The following RARB variants were observed in gnomAD, a reference collection of about 807,000 sequenced individuals.
RARB encodes HBV-activated protein.
RARB carries 17 observed loss-of-function variants against 51.9 expected under a neutral mutation model. That is an observed-to-expected ratio of 0.33 (90% CI 0.22 to 0.49). RARB has a LOEUF of 0.49. Among genes scored for constraint, RARB ranks in the 20% least tolerant of loss-of-function variants. The pLI is 0.99. For synonymous variants in RARB, 215 were observed against 195.4 expected (o/e 1.10, Z -0.84); for missense variants, 369 against 550.8 (o/e 0.67, Z 3.30).
At chr3:24,882,314 A>T (rs114003792) in intron 2 of RARB, among the ~76,000 whole-genome samples, 1,917 of 152,336 alleles carry the variant, frequency 0.013, 42 homozygotes, top group African/African-American at 0.044. Flanking sequence ...AAAAATTTTT[A>T]AAAAATTGTG....
In RARB at chr3:25,117,757, G is replaced by C. The variant is rs574747013; in HGVS notation, c.-327-14404G>C. Among the ~76,000 whole-genome samples the C allele has an allele frequency of 5.3e-5, 8 of 152,238 alleles. No homozygotes were observed. In the East Asian group the frequency reaches 1.5e-3, roughly 29 times the overall value. ...GAGGATGGCTTTCAGAATTTACCTG[G>C]ATCATTGGTGGAACAAGTCACCAGG... On this transcript the variant is annotated intron_variant, in intron 3 of 11. Coordinates refer to the RARB transcript ENST00000383772.
chr3:25,011,468 C>T (rs185037074), intron 2 of RARB, among the ~76,000 whole-genome samples: 2 of 152,028 alleles, frequency 1.3e-5, no homozygotes, highest in Admixed American at 6.6e-5. Context: ...ATTTTTCCAT[C>T]GAATTATAGC....
chr3:25,247,223 G>T (rs546915634), intron 5 of RARB, among the ~76,000 whole-genome samples: 1 of 152,250 alleles, frequency 6.6e-6, no homozygotes, highest in African/African-American at 2.4e-5. Context: ...CTAGCAGCAA[G>T]ATATTCAAGC....
chr3:25,451,629 C>T (rs34851973), intron 1 of RARB, among the ~76,000 whole-genome samples: 1 of 152,196 alleles, frequency 6.6e-6, no homozygotes, highest in African/African-American at 2.4e-5. Context: ...ATCAATCATA[C>T]TTGAACTTCC....
chr3:25,299,183 C>T (rs1703984096), intron 5 of RARB, among the ~76,000 whole-genome samples: 1 of 151,996 alleles, frequency 6.6e-6, no homozygotes, highest in Non-Finnish European at 1.5e-5. Context: ...TGGTGGTTGA[C>T]CTCTCCCCTC....
intron 2 of RARB, among the ~76,000 whole-genome samples, chr3:25,059,392 A>G (rs1480631324): frequency 2.0e-5 from 3 of 151,710 alleles, no homozygotes; most frequent in Non-Finnish European, 4.4e-5. Context: ...GAAAAAAACC[A>G]TACCGATATA....
intron 3 of RARB, among the ~76,000 whole-genome samples, chr3:25,509,508 G>A (rs1053964516): frequency 6.6e-6 from 1 of 152,220 alleles, no homozygotes; most frequent in Non-Finnish European, 1.5e-5. Flanking sequence ...GCTTAGAAGT[G>A]CAGCTCCAAA....
intron 5 of RARB, among the ~76,000 whole-genome samples, chr3:25,184,236 T>A (rs756248008): frequency 4.6e-5 from 7 of 152,120 alleles, no homozygotes; most frequent in African/African-American, 1.7e-4. Context: ...AATTTAGTGC[T>A]GAGATCCTTT....
At chr3:24,935,615 A>G (rs927697951) in intron 2 of RARB, among the ~76,000 whole-genome samples, 1 of 152,106 alleles carries the variant, frequency 6.6e-6, no homozygotes, top group Non-Finnish European at 1.5e-5. Flanking sequence ...TTTTATGCTG[A>G]TTTTTCACAA....
At chr3:25,178,040 A>AG (rs149622587) in intron 5 of RARB, among the ~76,000 whole-genome samples, 63 of 152,146 alleles carry the variant, frequency 4.1e-4, no homozygotes, top group African/African-American at 1.4e-3. Flanking sequence ...TGCCATTTAC[A>AG]GGGGGTGGGC....
In RARB at chr3:24,859,046, A is replaced by G. The variant is rs1237758191; in HGVS notation, c.-380+294A>G. 6.7e-5 allele frequency among the ~76,000 whole-genome samples: 7 copies of G among 104,822 alleles called. No individual in the cohort carries two copies. In the East Asian group the frequency reaches 2.8e-3, roughly 41 times the overall value. The allele number at this position is 104,822 out of a possible 152,430, so 68.8% of individuals were successfully genotyped here. ...AGCAAGACTCTGTCTCAAAAAAAAA[A>G]AAAAAAAAAAAGAAAAAAAAAAAGT... On this transcript the variant is annotated intron_variant, in intron 2 of 11. Coordinates refer to the RARB transcript ENST00000383772.
At chr3:25,014,366 G>A (rs530770922) in intron 2 of RARB, among the ~76,000 whole-genome samples, 1 of 152,088 alleles carries the variant, frequency 6.6e-6, no homozygotes, top group African/African-American at 2.4e-5. Context: ...TGAACCACAT[G>A]TAAGGAATTT....
intron 2 of RARB, chr3:25,020,104 C>CTATTAT (rs869230918): frequency 1.0e-4 from 8 of 77,450 alleles, no homozygotes; most frequent in Non-Finnish European, 9.1e-5. Context: ...CTCAAGTTCT[C>CTATTAT]TATTATTATT....
At chr3:25,062,690 T>C (rs1159333134) in intron 3 of RARB, among the ~76,000 whole-genome samples, 2 of 151,924 alleles carry the variant, frequency 1.3e-5, no homozygotes, top group Non-Finnish European at 2.9e-5. Context: ...ATTCTACATA[T>C]ACAAGAAATG....
intron 2 of RARB, among the ~76,000 whole-genome samples, chr3:25,000,622 G>T (rs907283829): frequency 1.3e-5 from 2 of 152,068 alleles, no homozygotes; most frequent in Admixed American, 6.6e-5. Flanking sequence ...AAAATCTGTT[G>T]AGTATATGCA....
At position 24,930,124 on chromosome 3, in the gene RARB, A is replaced by C. The variant is rs1384492498; in HGVS notation, c.-380+71372A>C. 8.5e-5 allele frequency among the ~76,000 whole-genome samples: 13 copies of C among 152,230 alleles called. No homozygotes were observed. In the South Asian group the frequency reaches 2.7e-3, roughly 32 times the overall value. ...TTTTTATTGGTCATACTGCCAAAAAACATTCTAACACACAAAGTAGAAACA... is the reference window on the plus strand; with the variant it reads ...TTTTTATTGGTCATACTGCCAAAAACCATTCTAACACACAAAGTAGAAACA... On this transcript the variant is annotated intron_variant, in intron 2 of 11. Coordinates refer to the RARB transcript ENST00000383772.
At chr3:24,975,776 T>C (rs957785872) in intron 2 of RARB, among the ~76,000 whole-genome samples, 13 of 152,162 alleles carry the variant, frequency 8.5e-5, no homozygotes, top group Non-Finnish European at 1.6e-4. Flanking sequence ...GTGATTTTTT[T>C]TTTGTTATTA....
intron 2 of RARB, among the ~76,000 whole-genome samples, chr3:24,935,087 G>C (rs1279771670): frequency 6.6e-6 from 1 of 152,090 alleles, no homozygotes; most frequent in African/African-American, 2.4e-5. Flanking sequence ...TTTTTGAAAG[G>C]TGGCTGTTTA....
chr3:25,035,257 G>A (rs1697964911), intron 2 of RARB, among the ~76,000 whole-genome samples: 2 of 151,926 alleles, frequency 1.3e-5, no homozygotes, highest in South Asian at 2.1e-4. Context: ...ACGTAGCTGG[G>A]ACTACAAGCA....
Sources: allele counts gnomAD v4.1 joint callset (sites outside exome capture counted in the v4.1 genomes callset), GRCh38; gene constraint gnomAD v4.1.1; transcripts MANE v1.5; gene names NCBI Gene and HGNC (gene_info 2026-07-23, HGNC 2026-07-21).